Variants in SLC44A1 observed in about 807,000 individuals in gnomAD.
SLC44A1 encodes solute carrier family 44 member 1.
In SLC44A1, 26 loss-of-function variants were observed where a neutral mutation model predicts 79.3. That is an observed-to-expected ratio of 0.33 (90% CI 0.24 to 0.46). SLC44A1 has a LOEUF of 0.46. Among genes scored for constraint, SLC44A1 ranks in the 20% least tolerant of loss-of-function variants. The pLI is 1.00. For synonymous variants in SLC44A1, 263 were observed against 286.2 expected (o/e 0.92, Z 0.82); for missense variants, 688 against 798.1 (o/e 0.86, Z 1.66).
chr9:105,389,404 A>AAAATT lies in SLC44A1; in HGVS notation c.*352_*353insTAAAT. ...TTAGAGGAGATTTTAACTTTATTTA[A>AAAATT]AAATAGGTAAAATTATTGTACCTAA... On this transcript the variant is annotated 3_prime_UTR_variant, in exon 16 of 16. Transcript: ENST00000374720. The AAAATT allele has an allele frequency of 9.6e-7, 1 of 1,042,080 alleles. No individual in the cohort carries two copies. Among genetic ancestry groups the AAAATT allele is most frequent in the South Asian group, 4.3e-5 (1 of 23,332 alleles). 64.6% of individuals were successfully genotyped at this position (1,042,080 alleles called of 1,614,324 possible). A position where few individuals can be genotyped will look rare whatever the true frequency, so the allele number is the denominator to read the frequency against.
At chr9:105,376,399 G>A (rs1423127476) in intron 13 of SLC44A1, among the ~76,000 whole-genome samples, 1 of 145,286 alleles carries the variant, frequency 6.9e-6, no homozygotes, top group East Asian at 2.0e-4. Flanking sequence ...TCCAGATGGA[G>A]TTTCACTCTT....
chr9:105,394,040 A>G lies in SLC44A1; in HGVS notation c.*4984A>G. 4 of 985,296 alleles carry G rather than the reference A, an allele frequency of 4.1e-6. No homozygotes were observed. The highest frequency in any genetic ancestry group is 4.8e-6 in the Non-Finnish European group (4 of 829,778). 61.0% of individuals were successfully genotyped at this position (985,296 alleles called of 1,614,324 possible). A position where few individuals can be genotyped will look rare whatever the true frequency, so the allele number is the denominator to read the frequency against. On this transcript the variant is annotated 3_prime_UTR_variant, in exon 16 of 16. Transcript: ENST00000374720. ...GGGTCTCTTTGAGCTTAAGAAAGCT[A>G]TGGACTATCTTTCCTTCAAATGCAC...
intron 15 of SLC44A1, among the ~76,000 whole-genome samples, chr9:105,410,082 A>G (rs1400279589): frequency 6.6e-6 from 1 of 152,224 alleles, no homozygotes; most frequent in Non-Finnish European, 1.5e-5. Flanking sequence ...TAACAAGTAA[A>G]TTACCTCAAA....
intron 1 of SLC44A1, among the ~76,000 whole-genome samples, chr9:105,296,185 C>T (rs1830716691): frequency 1.3e-5 from 2 of 152,146 alleles, no homozygotes; most frequent in South Asian, 4.1e-4. Flanking sequence ...CAAAACAGCC[C>T]TGTGAAGTAA....
In SLC44A1 at chr9:105,356,368, C is replaced by T. The variant is rs1827623503; in HGVS notation, c.657C>T (p.Cys219=). The change falls in exon 6 of 16, where the codon TGC becomes TGT. Residue 219 remains cysteine (C), a synonymous_variant. Coordinates refer to ENST00000374720, the MANE Select transcript of SLC44A1 (RefSeq NM_080546.5). ...GCAAAGAAATTATATTGGGACTTTG[C>T]TTGTTATCACTAGGTAATTGTTTTT... is the stretch of plus-strand genomic sequence containing the variant. ...MTSKEIILGL[C]LLSLVLSMIL... 6.3e-7 allele frequency: 1 copy of T among 1,591,814 alleles called. No individual in the cohort carries two copies. The highest frequency in any genetic ancestry group is 2.2e-5 in the East Asian group (1 of 44,576).
chr9:105,396,754 A>G lies in SLC44A1; in HGVS notation c.*7698A>G, dbSNP rs1483672416. 1.1e-5 allele frequency: 11 copies of G among 983,138 alleles called. No homozygotes were observed. Among genetic ancestry groups the G allele is most frequent in the African/African-American group, 1.1e-4 (6 of 56,460 alleles). 60.9% of individuals were successfully genotyped at this position (983,138 alleles called of 1,614,324 possible). A position where few individuals can be genotyped will look rare whatever the true frequency, so the allele number is the denominator to read the frequency against. ...TTTTTTGCCATTTGCATCCTATTTC[A>G]TAGTGCCAAAATGAATTTTTGTATC... On this transcript the variant is annotated 3_prime_UTR_variant, in exon 16 of 16. Transcript: ENST00000374720.
chr9:105,320,799 T>G (rs1260293766), intron 3 of SLC44A1, among the ~76,000 whole-genome samples: 1 of 152,208 alleles, frequency 6.6e-6, no homozygotes, highest in Non-Finnish European at 1.5e-5. Context: ...TGTAGTGGTA[T>G]CTCACTGTGG....
At chr9:105,262,852 T>C (rs1829874022) in intron 1 of SLC44A1, among the ~76,000 whole-genome samples, 1 of 152,258 alleles carries the variant, frequency 6.6e-6, no homozygotes, top group Admixed American at 6.5e-5. Context: ...ATTTTCTGTT[T>C]ATGCTCTTTA....
chr9:105,356,822 A>G (rs930229801), intron 6 of SLC44A1, among the ~76,000 whole-genome samples: 1 of 152,120 alleles, frequency 6.6e-6, no homozygotes, highest in Non-Finnish European at 1.5e-5. Flanking sequence ...TTTCATTGCT[A>G]CAGTGCATAG....
At chr9:105,406,511 C>T (rs1829031163) in intron 15 of SLC44A1, among the ~76,000 whole-genome samples, 1 of 152,072 alleles carries the variant, frequency 6.6e-6, no homozygotes, top group South Asian at 2.1e-4. Context: ...GAGGCTGAGG[C>T]AGGAGGATTG....
chr9:105,269,409 A>G (rs1019949510), intron 1 of SLC44A1, among the ~76,000 whole-genome samples: 10 of 152,074 alleles, frequency 6.6e-5, no homozygotes, highest in Non-Finnish European at 1.5e-4. Context: ...ATTTCCTCCC[A>G]TGTTATCCCC....
chr9:105,334,611 G>A lies in SLC44A1; in HGVS notation c.270-952G>A, dbSNP rs142553839. ...CCTGGCTGGAGATTCATTTTAGGTGGAAGCATTCCTTCTTGTACTCCCTTC... is the reference window on the plus strand; with the variant it reads ...CCTGGCTGGAGATTCATTTTAGGTGAAAGCATTCCTTCTTGTACTCCCTTC... On this transcript the variant is annotated intron_variant, in intron 3 of 15. Coordinates refer to ENST00000374720, the MANE Select transcript of SLC44A1 (RefSeq NM_080546.5). Among the ~76,000 whole-genome samples, 464 of 152,256 alleles carry A rather than the reference G, an allele frequency of 3.0e-3. 1 individual carries two copies. The highest frequency in any genetic ancestry group is 5.8e-3 in the Non-Finnish European group (394 of 68,010).
chr9:105,341,972 A>T (rs1431318543), intron 4 of SLC44A1, among the ~76,000 whole-genome samples: 1 of 152,192 alleles, frequency 6.6e-6, no homozygotes, highest in Non-Finnish European at 1.5e-5. Context: ...CCCTACAGAG[A>T]AAACTGAAAC....
At chr9:105,349,741 TA>T (rs889843955) in intron 5 of SLC44A1, among the ~76,000 whole-genome samples, 1 of 152,224 alleles carries the variant, frequency 6.6e-6, no homozygotes, top group African/African-American at 2.4e-5. Context: ...AAGTCTGTTT[TA>T]AATATATTCT....
intron 1 of SLC44A1, 46 bp from the exon 2 acceptor site, chr9:105,299,174 A>C: frequency 2.1e-6 from 3 of 1,401,604 alleles, no homozygotes; most frequent in Non-Finnish European, 3.0e-6. Flanking sequence ...TCTAACTTTA[A>C]CTAAACTTAG....
chr9:105,302,745 G>A lies in SLC44A1; in HGVS notation c.126+3436G>A, dbSNP rs376236719. On this transcript the variant is annotated intron_variant, in intron 2 of 15. Transcript: ENST00000374720. ...CTCATATAATCTCTGCAAACCTGAT[G>A]TTCAGCCAAAGTTGAGACCCACTAT... 4.0e-5 allele frequency among the ~76,000 whole-genome samples: 6 copies of A among 151,738 alleles called. No individual in the cohort carries two copies. In the East Asian group the frequency reaches 7.7e-4, roughly 20 times the overall value.
At chr9:105,423,135 C>T (rs1053770645) in intron 15 of SLC44A1, among the ~76,000 whole-genome samples, 2 of 152,088 alleles carry the variant, frequency 1.3e-5, no homozygotes, top group South Asian at 2.1e-4. Flanking sequence ...CATTTGGAAA[C>T]GTGTATTAAA....
intron 3 of SLC44A1, among the ~76,000 whole-genome samples, chr9:105,331,159 C>T (rs891731378): frequency 2.6e-5 from 4 of 152,156 alleles, no homozygotes; most frequent in Non-Finnish European, 5.9e-5. Flanking sequence ...AAAAGATTCA[C>T]TGAGGATAAC....
At position 105,373,236 on chromosome 9, in the gene SLC44A1, A is replaced by G. The variant is rs550389799; in HGVS notation, c.1495-1362A>G. On this transcript the variant is annotated intron_variant, in intron 12 of 15. Transcript: ENST00000374720. Reference sequence around the variant, plus strand: ...CTCCAACAGTTTCCCAGCAATCTCAACATTTGGGACCTAGAAACAATTTAA... The same window carrying G: ...CTCCAACAGTTTCCCAGCAATCTCAGCATTTGGGACCTAGAAACAATTTAA... Among the ~76,000 whole-genome samples, 3 of 152,294 alleles carry G rather than the reference A, an allele frequency of 2.0e-5. No homozygotes were observed. In the East Asian group the frequency reaches 5.8e-4, roughly 29 times the overall value.
Sources: allele counts gnomAD v4.1 joint callset (sites outside exome capture counted in the v4.1 genomes callset), GRCh38; gene constraint gnomAD v4.1.1; transcripts MANE v1.5; gene names NCBI Gene and HGNC (gene_info 2026-07-23, HGNC 2026-07-21).